Variants in FAM53B observed in about 807,000 individuals in gnomAD.
FAM53B encodes protein FAM53B.
In FAM53B, 12 loss-of-function variants were observed where a neutral mutation model predicts 32.7. The ratio of observed to expected loss-of-function variants is 0.37; its 90% confidence interval spans 0.24 to 0.59. The LOEUF (loss-of-function observed/expected upper bound fraction) is 0.59, where lower values mean the gene tolerates loss of function less well. FAM53B is among the 20% of genes least tolerant of loss of function. FAM53B has a pLI of 0.72. For missense variants in FAM53B, 477 were observed against 577.7 expected (o/e 0.83, Z 1.79); for synonymous variants, 234 against 228.7 (o/e 1.02, Z -0.21).
At chr10:124,739,043 C>CAAAAAAA (rs374990179) in intron 1 of FAM53B, among the ~76,000 whole-genome samples, 15 of 107,514 alleles carry the variant, frequency 1.4e-4, no homozygotes, top group Non-Finnish European at 1.4e-4. Context: ...CTCCAAAAAA[C>CAAAAAAA]AAAAAAAAAA....
rs573555322 is a variant in FAM53B, at chr10:124,651,847, G to A, written c.907-28243C>T. 1.1e-3 allele frequency among the ~76,000 whole-genome samples: 161 copies of A among 152,342 alleles called. 1 individual carries two copies. The highest frequency in any genetic ancestry group is 1.7e-3 in the Non-Finnish European group (119 of 68,024). ...CTGGAACGTTCACGCCAGCCCCAGC[G>A]TCAGGACAACTGCGACTGAGGGCGG... On this transcript the variant is annotated intron_variant, in intron 4 of 4. Transcript: ENST00000337318. This position sits in a 1 kb window ranked among gnomAD's most constrained non-coding sequence, Gnocchi z 5.2.
At chr10:124,696,355 C>T in intron 2 of FAM53B, 143 bp from the exon 3 acceptor site, 1 of 758,286 alleles carries the variant, frequency 1.3e-6, no homozygotes. Flanking sequence ...AAAAGGTATT[C>T]AAAGAGAAAA....
rs563868353 is a variant in FAM53B, at chr10:124,694,985, G to A, written c.133+1173C>T. Among the ~76,000 whole-genome samples, 18 of 152,306 alleles carry A rather than the reference G, an allele frequency of 1.2e-4. No homozygotes were observed. The South Asian group carries it at 2.1e-3, about 18-fold the overall frequency. On this transcript the variant is annotated intron_variant, in intron 3 of 4. Transcript: ENST00000337318. Reference sequence around the variant, plus strand: ...CACCTCACTAGACCTCAGTTCTCCCGTATGTGAATGATGCCACTGGCAGAG... The same window carrying A: ...CACCTCACTAGACCTCAGTTCTCCCATATGTGAATGATGCCACTGGCAGAG...
chr10:124,631,720 T>C lies in FAM53B; in HGVS notation c.907-8116A>G, dbSNP rs546177979. Reference sequence around the variant, plus strand: ...CCCACTCAGGCTCTGACTCCTTCTATAGCAAACCTCTTTCAGCCACATAAA... The same window carrying C: ...CCCACTCAGGCTCTGACTCCTTCTACAGCAAACCTCTTTCAGCCACATAAA... On this transcript the variant is annotated intron_variant, in intron 4 of 4. Transcript: ENST00000337318. Among the ~76,000 whole-genome samples, 7 of 152,248 alleles carry C rather than the reference T, an allele frequency of 4.6e-5. No homozygotes were observed. In the South Asian group the frequency reaches 8.3e-4, roughly 18 times the overall value.
In FAM53B at chr10:124,620,358, C is replaced by CCCCCA. The variant is rs1554900982; in HGVS notation, c.*2883_*2884insTGGGG. The CCCCCA allele has an allele frequency of 7.0e-6, 1 of 142,540 alleles. No individual in the cohort carries two copies. Among genetic ancestry groups the CCCCCA allele is most frequent in the African/African-American group, 2.6e-5 (1 of 38,452 alleles). 8.8% of individuals were successfully genotyped at this position (142,540 alleles called of 1,614,324 possible). On this transcript the variant is annotated 3_prime_UTR_variant, in exon 5 of 5. Coordinates refer to ENST00000337318, the MANE Select transcript of FAM53B (RefSeq NM_014661.4). ...AGTGGGGTGCATGTGGCACTAAGCC[C>CCCCCA]CCCCCACCGCCCCGGCTTTCCTGCA... is the stretch of plus-strand genomic sequence containing the variant.
intron 4 of FAM53B, among the ~76,000 whole-genome samples, chr10:124,626,206 C>T (rs547847847): frequency 1.4e-4 from 21 of 152,356 alleles, no homozygotes; most frequent in East Asian, 5.8e-4. Context: ...GCAGCAGGAG[C>T]GCAGCCTGCG....
intron 4 of FAM53B, chr10:124,623,959 A>C: frequency 4.2e-6 from 1 of 238,026 alleles, no homozygotes. Context: ...AATATATCCA[A>C]TTCCTTGATC....
intron 4 of FAM53B, among the ~76,000 whole-genome samples, chr10:124,636,220 C>A (rs1949430614): frequency 6.6e-6 from 1 of 152,200 alleles, no homozygotes; most frequent in Non-Finnish European, 1.5e-5. Context: ...ATATTAAAAT[C>A]TCTCGATGTT....
At chr10:124,634,627 G>C (rs55904011) in intron 4 of FAM53B, among the ~76,000 whole-genome samples, 1 of 152,156 alleles carries the variant, frequency 6.6e-6, no homozygotes, top group Non-Finnish European at 1.5e-5. Flanking sequence ...AGGCCTCCCC[G>C]GCCATGTGGA....
intron 3 of FAM53B, among the ~76,000 whole-genome samples, chr10:124,692,902 A>C (rs1024087819): frequency 6.6e-6 from 1 of 152,052 alleles, no homozygotes; most frequent in Non-Finnish European, 1.5e-5. Context: ...CATTTGTGAA[A>C]CTTGAACTCA....
intron 3 of FAM53B, among the ~76,000 whole-genome samples, chr10:124,693,600 G>A (rs752353136): frequency 6.6e-6 from 1 of 152,192 alleles, no homozygotes; most frequent in Non-Finnish European, 1.5e-5. Flanking sequence ...GAGTGCACGG[G>A]GTAAGGCTCC....
rs370006835 is a variant in FAM53B, at chr10:124,621,747, C to A, written c.*1495G>T. ...AACCTGCAGAAGCGAGGCGTTCACT[C>A]GTCCATGAAGACGAGCAAAAGCAAA... On this transcript the variant is annotated 3_prime_UTR_variant, in exon 5 of 5. Transcript: ENST00000337318. 1 of 152,258 alleles carries A rather than the reference C, an allele frequency of 6.6e-6. No homozygotes were observed. The highest frequency in any genetic ancestry group is 1.5e-5 in the Non-Finnish European group (1 of 68,044). The allele number at this position is 152,258 out of a possible 1,614,324, so 9.4% of individuals were successfully genotyped here.
At chr10:124,648,490 A>C (rs1473114261) in intron 4 of FAM53B, among the ~76,000 whole-genome samples, 1 of 152,006 alleles carries the variant, frequency 6.6e-6, no homozygotes, top group Non-Finnish European at 1.5e-5. Flanking sequence ...AGCCTCCCCC[A>C]TCTGTAAAAT....
At chr10:124,715,581 C>T (rs571854331) in intron 1 of FAM53B, among the ~76,000 whole-genome samples, 8 of 152,332 alleles carry the variant, frequency 5.3e-5, no homozygotes, top group African/African-American at 1.9e-4. Context: ...CGTGTGCAGC[C>T]TAGGTGTTGC....
intron 4 of FAM53B, among the ~76,000 whole-genome samples, chr10:124,637,387 T>A (rs999662936): frequency 1.3e-5 from 2 of 152,198 alleles, no homozygotes; most frequent in Non-Finnish European, 2.9e-5. Flanking sequence ...TGGGCCCATC[T>A]GCACAATGAG....
At chr10:124,654,219 T>C (rs1345632867) in intron 4 of FAM53B, among the ~76,000 whole-genome samples, 4 of 152,258 alleles carry the variant, frequency 2.6e-5, no homozygotes, top group Non-Finnish European at 5.9e-5. Flanking sequence ...CGCCCAGCCA[T>C]GCGAAGTGCG....
intron 4 of FAM53B, among the ~76,000 whole-genome samples, chr10:124,666,934 G>A: frequency 6.6e-6 from 1 of 152,226 alleles, no homozygotes; most frequent in East Asian, 1.9e-4. Context: ...ACCTCAGGCA[G>A]GGGCCTCTTG....
chr10:124,725,178 C>A (rs192974927), intron 1 of FAM53B, among the ~76,000 whole-genome samples: 2 of 152,366 alleles, frequency 1.3e-5, no homozygotes, highest in East Asian at 3.9e-4. Context: ...GCAGTGATTT[C>A]AGGTTCACTC....
At chr10:124,699,948 G>A (rs1430059656) in intron 2 of FAM53B, among the ~76,000 whole-genome samples, 1 of 152,230 alleles carries the variant, frequency 6.6e-6, no homozygotes, top group Non-Finnish European at 1.5e-5. Context: ...TGTGCTTCAG[G>A]GAGTTCTCTT....
Sources: allele counts gnomAD v4.1 joint callset (sites outside exome capture counted in the v4.1 genomes callset), GRCh38; gene constraint gnomAD v4.1.1; non-coding constraint Gnocchi (gnomAD v3.1); transcripts MANE v1.5; gene names NCBI Gene and HGNC (gene_info 2026-07-23, HGNC 2026-07-21).